TERF2IP: variants seen among roughly 807,000 people sequenced by gnomAD.
The protein encoded by TERF2IP is telomeric repeat-binding factor 2-interacting protein 1.
Under a neutral mutation model 33.3 loss-of-function variants are expected in TERF2IP, and 35 were observed. That is an observed-to-expected ratio of 1.05 (90% CI 0.80 to 1.39). The LOEUF is 1.39. Ranked by LOEUF, TERF2IP falls within the 40% of genes most tolerant of loss-of-function variation. TERF2IP has a pLI of 0.00. For synonymous variants in TERF2IP, 253 were observed against 223.2 expected (o/e 1.13, Z -1.19); for missense variants, 583 against 524.8 (o/e 1.11, Z -1.08).
intron 2 of TERF2IP, among the ~76,000 whole-genome samples, chr16:75,654,804 C>T (rs2082372488): frequency 6.6e-6 from 1 of 152,152 alleles, no homozygotes; most frequent in Non-Finnish European, 1.5e-5. Flanking sequence ...TCTTGGCTCA[C>T]TGCAAGCTCC....
At chr16:75,656,004 C>T (rs578170381) in intron 2 of TERF2IP, among the ~76,000 whole-genome samples, 23 of 152,048 alleles carry the variant, frequency 1.5e-4, no homozygotes, top group Admixed American at 2.6e-4. Flanking sequence ...CACACACACG[C>T]GCACACACAC....
chr16:75,656,855 A>G lies in TERF2IP; in HGVS notation c.*244A>G. The G allele has an allele frequency of 2.1e-6, 1 of 487,092 alleles. No individual in the cohort carries two copies. The highest frequency in any genetic ancestry group is 3.5e-5 in the East Asian group (1 of 28,686). 30.2% of individuals were successfully genotyped at this position (487,092 alleles called of 1,614,324 possible). A position where few individuals can be genotyped will look rare whatever the true frequency, so the allele number is the denominator to read the frequency against. ...AAGTATCAATGTGTTTATGAAAGGAAGATCTAAATCAGACAGGAGTTGGTC... is the reference window on the plus strand; with the variant it reads ...AAGTATCAATGTGTTTATGAAAGGAGGATCTAAATCAGACAGGAGTTGGTC... On this transcript the variant is annotated 3_prime_UTR_variant, in exon 3 of 3. Transcript: ENST00000300086.
rs1360074460 is a variant in TERF2IP at position 75,656,750 on chromosome 16, C to G, written c.*139C>G. ...CATCGCTGCTGTTGCTCTGTGAGTCCTAGATTTTTGTAGCCAAGCAGAGTT... is the reference window on the plus strand; with the variant it reads ...CATCGCTGCTGTTGCTCTGTGAGTCGTAGATTTTTGTAGCCAAGCAGAGTT... On this transcript the variant is annotated 3_prime_UTR_variant, in exon 3 of 3. Coordinates refer to ENST00000300086, the MANE Select transcript of TERF2IP (RefSeq NM_018975.4). The G allele has an allele frequency of 1.2e-6, 1 of 810,272 alleles. No homozygotes were observed. Among genetic ancestry groups the G allele is most frequent in the African/African-American group, 1.7e-5 (1 of 57,472 alleles). The allele number at this position is 810,272 out of a possible 1,614,324, so 50.2% of individuals were successfully genotyped here. A position where few individuals can be genotyped will look rare whatever the true frequency, so the allele number is the denominator to read the frequency against.
At chr16:75,656,121 A>G in intron 2 of TERF2IP, 86 bp from the exon 3 acceptor site, 1 of 1,333,722 alleles carries the variant, frequency 7.5e-7, no homozygotes, top group Non-Finnish European at 1.0e-6. Flanking sequence ...GCAGAGGGCA[A>G]GGGGGTGATA....
chr16:75,648,619 T>G (rs763235216), intron 1 of TERF2IP, 67 bp downstream of exon 1: 4 of 1,451,474 alleles, frequency 2.8e-6, no homozygotes, highest in Non-Finnish European at 3.6e-6. Context: ...TTCTCCTGGC[T>G]GCCTGGCGTC....
intron 2 of TERF2IP, 85 bp from the exon 3 acceptor site, chr16:75,656,122 G>C: frequency 7.4e-7 from 1 of 1,344,588 alleles, no homozygotes; most frequent in Non-Finnish European, 1.0e-6. Context: ...CAGAGGGCAA[G>C]GGGGTGATAG....
At position 75,654,266 on chromosome 16, in the gene TERF2IP, T is replaced by C. The variant is rs755487110; in HGVS notation, c.671-7T>C. On this transcript the variant is annotated splice_region_variant and splice_polypyrimidine_tract_variant and intron_variant, in intron 1 of 2. Transcript: ENST00000300086. ...TTGCTAATCTGTGCTGTTCTTCTCT[T>C]TAACAGAACCACAGAATAAGAGAAC... 2 of 1,611,964 alleles carry C rather than the reference T, an allele frequency of 1.2e-6. No homozygotes were observed. The highest frequency in any genetic ancestry group is 1.7e-6 in the Non-Finnish European group (2 of 1,178,700).
intron 2 of TERF2IP, 130 bp downstream of exon 2, chr16:75,654,527 A>G (rs1250611687): frequency 2.1e-6 from 2 of 944,710 alleles, no homozygotes; most frequent in East Asian, 5.8e-5. Flanking sequence ...ATGGAAAGGG[A>G]AAATGGAAAA....
At position 75,648,372 on chromosome 16, in the gene TERF2IP, T is replaced by C. The variant is rs1248187481; in HGVS notation, c.490T>C (p.Trp164Arg). 6.2e-7 allele frequency: 1 copy of C among 1,604,614 alleles called. No homozygotes were observed. The highest frequency in any genetic ancestry group is 1.3e-5 in the African/African-American group (1 of 74,984). ...SPSSVTGNAL[W>R]KAMEKSSLTQ... ...CAGCTCCGTCACCGGTAACGCCTTG[T>C]GGAAAGCGATGGAGAAGAGCTCGCT... Residue 164 changes from tryptophan (W) to arginine (R), a missense_variant, in exon 1 of 3, where the codon TGG becomes CGG. Physicochemically the swap from Trp to Arg is moderately radical, Grantham distance 101. Transcript: ENST00000300086.
At position 75,647,830 on chromosome 16, in the gene TERF2IP, T is replaced by A. The variant is rs1353032184; in HGVS notation, c.-53T>A. 5 of 1,596,122 alleles carry A rather than the reference T, an allele frequency of 3.1e-6. No homozygotes were observed. Among genetic ancestry groups the A allele is most frequent in the Non-Finnish European group, 4.3e-6 (5 of 1,168,400 alleles). On this transcript the variant is annotated 5_prime_UTR_variant, in exon 1 of 3. Coordinates refer to ENST00000300086, the MANE Select transcript of TERF2IP (RefSeq NM_018975.4). ...TGACAGCTCAGTCAGTTGAGCTCTG[T>A]GTGCCAGGCGCTCGCGAGGGGGTAG...
At chr16:75,653,839 C>G (rs764903828) in intron 1 of TERF2IP, among the ~76,000 whole-genome samples, 1 of 152,180 alleles carries the variant, frequency 6.6e-6, no homozygotes, top group African/African-American at 2.4e-5. Flanking sequence ...GTCAGCTTCT[C>G]TCTCTGCCCA....
rs1212458949 is a variant in TERF2IP, at chr16:75,648,407, C to A, written c.525C>A (p.His175Gln). The A allele has an allele frequency of 6.2e-7, 1 of 1,607,702 alleles. No homozygotes were observed. Among genetic ancestry groups the A allele is most frequent in the Non-Finnish European group, 8.5e-7 (1 of 1,177,562 alleles). The stretch of plus-strand genomic sequence containing the variant: ...TGGAGAAGAGCTCGCTCACGCAGCA[C>A]TCGTGGCAGTCCCTGAAGGACCGCT... Reference protein sequence around the residue: ...KAMEKSSLTQHSWQSLKDRYL... With the variant: ...KAMEKSSLTQQSWQSLKDRYL... Residue 175 changes from histidine to glutamine, a missense_variant, in exon 1 of 3, where the codon CAC becomes CAA. Physicochemically the swap from His to Gln is conservative, Grantham distance 24. Coordinates refer to ENST00000300086, the MANE Select transcript of TERF2IP (RefSeq NM_018975.4).
chr16:75,654,398 G>T lies in TERF2IP; in HGVS notation c.795+1G>T. 6.2e-7 allele frequency: 1 copy of T among 1,612,394 alleles called. No homozygotes were observed. Among genetic ancestry groups the T allele is most frequent in the Non-Finnish European group, 8.5e-7 (1 of 1,178,936 alleles). Reference sequence around the variant, plus strand: ...CACCCGGGAGTTTGAGGAGGTTGTGGTATGTTAACTAGATTTACTCATTAT... The same window carrying T: ...CACCCGGGAGTTTGAGGAGGTTGTGTTATGTTAACTAGATTTACTCATTAT... On this transcript the variant is annotated splice_donor_variant, in intron 2 of 2. Transcript: ENST00000300086. LOFTEE classifies it high-confidence loss of function.
Position 75,656,619 on chromosome 16 carries a change from G to A in TERF2IP, c.*8G>A, listed in dbSNP as rs1206080215. ...GAATTTCGAAAGAAATAATTGGCAA[G>A]ATAATGAGAAAAGAAAAAAGTCATG... is the stretch of plus-strand genomic sequence containing the variant. On this transcript the variant is annotated 3_prime_UTR_variant, in exon 3 of 3. Transcript: ENST00000300086. The A allele has an allele frequency of 6.3e-7, 1 of 1,580,060 alleles. No individual in the cohort carries two copies. The highest frequency in any genetic ancestry group is 1.2e-5 in the South Asian group (1 of 85,730).
intron 1 of TERF2IP, among the ~76,000 whole-genome samples, chr16:75,650,249 G>A (rs2082337209): frequency 6.6e-6 from 1 of 152,162 alleles, no homozygotes; most frequent in African/African-American, 2.4e-5. Flanking sequence ...TTTCCTATAG[G>A]ATGATAAGAG....
At chr16:75,649,788 A>G (rs1204469535) in intron 1 of TERF2IP, among the ~76,000 whole-genome samples, 1 of 152,174 alleles carries the variant, frequency 6.6e-6, no homozygotes, top group Admixed American at 6.5e-5. Context: ...GCTTAGGTGA[A>G]GTGAGTTTTT....
chr16:75,647,841 C>CACAG lies in TERF2IP; in HGVS notation c.-42_-41insACAG. The CACAG allele has an allele frequency of 3.1e-6, 5 of 1,596,210 alleles. No individual in the cohort carries two copies. Among genetic ancestry groups the CACAG allele is most frequent in the Non-Finnish European group, 4.3e-6 (5 of 1,168,918 alleles). On this transcript the variant is annotated 5_prime_UTR_variant, in exon 1 of 3. Transcript: ENST00000300086. ...TCAGTTGAGCTCTGTGTGCCAGGCG[C>CACAG]TCGCGAGGGGGTAGCTCTTCTAGTA...
At chr16:75,650,371 G>A (rs1190734306) in intron 1 of TERF2IP, among the ~76,000 whole-genome samples, 1 of 152,168 alleles carries the variant, frequency 6.6e-6, no homozygotes, top group Non-Finnish European at 1.5e-5. Context: ...CAGGGCAATC[G>A]CCCTTAGGTG....
In TERF2IP at chr16:75,647,876, G is replaced by A. The variant is rs773512690; in HGVS notation, c.-7G>A. 4 of 1,602,750 alleles carry A rather than the reference G, an allele frequency of 2.5e-6. 1 individual carries two copies. The South Asian group carries it at 4.4e-5, about 18-fold the overall frequency. ...GGTAGCTCTTCTAGTAGTGCTCGGCGTCAGACATGGCGGAGGCGATGGATT... is the reference window on the plus strand; with the variant it reads ...GGTAGCTCTTCTAGTAGTGCTCGGCATCAGACATGGCGGAGGCGATGGATT... On this transcript the variant is annotated 5_prime_UTR_variant, in exon 1 of 3. Coordinates refer to ENST00000300086, the MANE Select transcript of TERF2IP (RefSeq NM_018975.4).
Sources: allele counts gnomAD v4.1 joint callset (sites outside exome capture counted in the v4.1 genomes callset), GRCh38; gene constraint gnomAD v4.1.1; transcripts MANE v1.5; gene names NCBI Gene and HGNC (gene_info 2026-07-23, HGNC 2026-07-21).